EXOC4: variants seen among roughly 807,000 people sequenced by gnomAD.
The protein encoded by EXOC4 is exocyst complex component 4.
EXOC4 carries 71 observed loss-of-function variants against 107.2 expected under a neutral mutation model. That is an observed-to-expected ratio of 0.66 (90% CI 0.55 to 0.81). The LOEUF (loss-of-function observed/expected upper bound fraction) is 0.81. Ranked by LOEUF, EXOC4 falls within the 30% of genes least tolerant of loss-of-function variation. The probability of loss-of-function intolerance (pLI) is 0.00; values close to 1 mark genes in which losing one functional copy is unlikely to be tolerated. For synonymous variants in EXOC4, 456 were observed against 441.2 expected, an observed-to-expected ratio of 1.03 and a Z score of -0.42; for missense variants, 1,108 against 1,189.6, an observed-to-expected ratio of 0.93 and a Z score of 1.01.
intron 9 of EXOC4, among the ~76,000 whole-genome samples, chr7:133,485,656 G>A (rs1267078732): frequency 1.3e-5 from 2 of 151,972 alleles, no homozygotes; most frequent in Non-Finnish European, 2.9e-5. Context: ...CACTTCCCTT[G>A]ACCCAGAGTG....
intron 5 of EXOC4, 34 bp downstream of exon 5, chr7:133,317,424 T>C (rs1167206970): frequency 7.3e-7 from 1 of 1,375,846 alleles, no homozygotes; most frequent in Non-Finnish European, 1.0e-6. Context: ...CTAAGCTTTT[T>C]AGTATGTCTT....
chr7:133,624,027 G>C (rs748920380), intron 9 of EXOC4, among the ~76,000 whole-genome samples: 2 of 152,160 alleles, frequency 1.3e-5, no homozygotes, highest in Non-Finnish European at 2.9e-5. Context: ...ATGCAGTCAG[G>C]AGTTCCATAT....
chr7:133,502,702 G>A (rs766888013), intron 9 of EXOC4, among the ~76,000 whole-genome samples: 28 of 152,130 alleles, frequency 1.8e-4, no homozygotes, highest in Non-Finnish European at 1.3e-4. Context: ...CAGGTTTGCT[G>A]TAAAACAAAG....
rs141755116 is a variant in EXOC4 at position 133,653,934 on chromosome 7, T to C, written c.1514+23793T>C. 8.5e-5 allele frequency among the ~76,000 whole-genome samples: 13 copies of C among 152,248 alleles called. No individual in the cohort carries two copies. In the East Asian group the frequency reaches 2.1e-3, roughly 25 times the overall value. ...TTCTGTTTCTGTTGGCCAAGGTGAA[T>C]AGGACACAAGAAAGTCTAACTACAA... On this transcript the variant is annotated intron_variant, in intron 10 of 17. Coordinates refer to ENST00000253861, the MANE Select transcript of EXOC4 (RefSeq NM_021807.4).
At chr7:133,903,531 G>A (rs957087206) in intron 12 of EXOC4, among the ~76,000 whole-genome samples, 3 of 152,160 alleles carry the variant, frequency 2.0e-5, no homozygotes, top group African/African-American at 7.2e-5. Context: ...TAACTCTCAG[G>A]ATTTTATATT....
Position 133,480,107 on chromosome 7 carries a change from G to A in EXOC4, c.1386G>A (p.Arg462=). 1.9e-6 allele frequency: 3 copies of A among 1,614,054 alleles called. No homozygotes were observed. The highest frequency in any genetic ancestry group is 2.5e-6 in the Non-Finnish European group (3 of 1,179,944). The change falls in exon 9 of 18, where the codon AGG becomes AGA. Residue 462 remains arginine (R), a synonymous_variant. Coordinates refer to ENST00000253861, the MANE Select transcript of EXOC4 (RefSeq NM_021807.4). ...SMSAYLREQR[R]ELYSRSGELQ... Reference sequence around the variant, plus strand: ...GCGCCTATCTGCGAGAACAGAGAAGGGAGCTCTATAGTCGGAGTGGAGAAC... The same window carrying A: ...GCGCCTATCTGCGAGAACAGAGAAGAGAGCTCTATAGTCGGAGTGGAGAAC...
At chr7:134,067,678 C>CACACACACACACACA (rs1554442394), downstream of EXOC4, among the ~76,000 whole-genome samples, 1 of 149,550 alleles carries the variant, frequency 6.7e-6, no homozygotes, top group Non-Finnish European at 1.5e-5. Flanking sequence ...CACACACAGG[C>CACACACACACACACA]AATTGTGTTC....
intron 7 of EXOC4, among the ~76,000 whole-genome samples, chr7:133,408,846 G>A (rs1416672929): frequency 6.6e-6 from 1 of 152,174 alleles, no homozygotes; most frequent in Non-Finnish European, 1.5e-5. Flanking sequence ...TTCTGGTACT[G>A]TGGGACTAGT....
chr7:133,994,408 T>G (rs1350390587), intron 14 of EXOC4, among the ~76,000 whole-genome samples: 2 of 152,122 alleles, frequency 1.3e-5, no homozygotes, highest in African/African-American at 4.8e-5. Context: ...CGTGCGAGGC[T>G]TAAAATCTAG....
chr7:133,967,882 C>G (rs1801108120), intron 14 of EXOC4, among the ~76,000 whole-genome samples: 1 of 152,036 alleles, frequency 6.6e-6, no homozygotes, highest in South Asian at 2.1e-4. Flanking sequence ...CCTGGATATC[C>G]TTGTTAATAT....
At chr7:134,004,866 G>T (rs1275580771) in intron 15 of EXOC4, 46 bp from the exon 16 acceptor site, 1 of 1,526,296 alleles carries the variant, frequency 6.6e-7, no homozygotes, top group Admixed American at 1.9e-5. Context: ...TGCCCTCCCT[G>T]GAAGGATTTA....
At chr7:133,649,485 TA>T (rs113653352) in intron 10 of EXOC4, among the ~76,000 whole-genome samples, 57,124 of 132,390 alleles carry the variant, frequency 0.43, 13,635 homozygotes, top group Admixed American at 0.56. Flanking sequence ...TTTTTTTTTT[TA>T]ACCAGTAAAG....
intron 8 of EXOC4, among the ~76,000 whole-genome samples, chr7:133,476,274 G>T (rs934952875): frequency 6.6e-6 from 1 of 151,956 alleles, no homozygotes; most frequent in Admixed American, 6.6e-5. Flanking sequence ...TAATACTTTT[G>T]TACATATAAA....
intron 12 of EXOC4, among the ~76,000 whole-genome samples, chr7:133,911,915 A>C (rs929491386): frequency 2.0e-5 from 3 of 152,248 alleles, no homozygotes; most frequent in Middle Eastern, 3.4e-3. Context: ...TGAGTGGTGA[A>C]ATCTCCCACA....
At chr7:133,276,110 C>T (rs776733142) in intron 2 of EXOC4, among the ~76,000 whole-genome samples, 1 of 151,934 alleles carries the variant, frequency 6.6e-6, no homozygotes, top group Non-Finnish European at 1.5e-5. Flanking sequence ...TTTCTTCCTT[C>T]CCCCACGTTC....
chr7:134,028,131 A>G (rs778891057), intron 17 of EXOC4, among the ~76,000 whole-genome samples: 2 of 152,168 alleles, frequency 1.3e-5, no homozygotes, highest in African/African-American at 2.4e-5. Context: ...TTCTGATACA[A>G]TCCTAAGAGT....
At chr7:133,810,015 G>T (rs902700084) in intron 10 of EXOC4, among the ~76,000 whole-genome samples, 2 of 152,132 alleles carry the variant, frequency 1.3e-5, no homozygotes, top group Non-Finnish European at 2.9e-5. Flanking sequence ...ACAATACTGT[G>T]TTCTTCTTTA....
intron 17 of EXOC4, among the ~76,000 whole-genome samples, chr7:134,039,521 T>C (rs535190848): frequency 6.6e-6 from 1 of 152,308 alleles, no homozygotes; most frequent in South Asian, 2.1e-4. Context: ...CAATCACACA[T>C]ACTAATGCTG....
At chr7:133,421,988 G>C (rs1797618200) in intron 7 of EXOC4, among the ~76,000 whole-genome samples, 1 of 152,152 alleles carries the variant, frequency 6.6e-6, no homozygotes, top group South Asian at 2.1e-4. Context: ...CTAGGCAGAA[G>C]AAAGAAATAA....
Sources: gnomAD v4.1 joint callset for allele counts (sites outside exome capture counted in the v4.1 genomes callset) on GRCh38, gnomAD v4.1.1 for gene constraint, MANE v1.5 for transcripts, NCBI Gene and HGNC (gene_info 2026-07-23, HGNC 2026-07-21) for gene names.